The following FGF14 variants were observed in gnomAD, a reference collection of about 807,000 sequenced individuals.
FGF14 encodes the protein fibroblast growth factor 14, also known as fibroblast growth factor homologous factor 4.
A neutral mutation model predicts 25.5 loss-of-function variants in FGF14; 5 were observed. That is an observed-to-expected ratio of 0.20 (90% CI 0.10 to 0.41). The LOEUF (loss-of-function observed/expected upper bound fraction) is 0.41. Among genes scored for constraint, FGF14 ranks in the 10% least tolerant of loss-of-function variants. The pLI is 1.00. For missense variants in FGF14, 222 were observed against 320.1 expected (o/e 0.69, Z 2.34); for synonymous variants, 138 against 118.3 (o/e 1.17, Z -1.08).
chr13:102,344,534 T>G (rs1323960288), intron 1 of FGF14, among the ~76,000 whole-genome samples: 1 of 152,252 alleles, frequency 6.6e-6, no homozygotes, highest in Non-Finnish European at 1.5e-5. Context: ...TATTATCTGT[T>G]GGTTGATTGA....
intron 1 of FGF14, among the ~76,000 whole-genome samples, chr13:102,297,440 G>C (rs2054777496): frequency 2.0e-5 from 3 of 152,154 alleles, no homozygotes; most frequent in Admixed American, 2.0e-4. Flanking sequence ...TAGTAATAAT[G>C]TATCAATATT....
At chr13:102,326,934 G>T (rs115954385) in intron 1 of FGF14, among the ~76,000 whole-genome samples, 2 of 152,158 alleles carry the variant, frequency 1.3e-5, no homozygotes, top group African/African-American at 2.4e-5. Flanking sequence ...TATTCCCCAC[G>T]GAAACTGAAC....
chr13:102,192,598 A>ACTTTG (rs1449900408), intron 1 of FGF14, among the ~76,000 whole-genome samples: 1 of 152,118 alleles, frequency 6.6e-6, no homozygotes, highest in African/African-American at 2.4e-5. Context: ...CTCCTTCAAC[A>ACTTTG]ATTTGATTAG....
intron 3 of FGF14, among the ~76,000 whole-genome samples, chr13:101,797,997 G>A (rs573985537): frequency 6.6e-6 from 1 of 152,048 alleles, no homozygotes; most frequent in East Asian, 1.9e-4. Context: ...TGAAAGTTAC[G>A]AAAGTACTTG....
At chr13:101,788,605 C>G (rs567142811) in intron 3 of FGF14, among the ~76,000 whole-genome samples, 1 of 151,882 alleles carries the variant, frequency 6.6e-6, no homozygotes, top group African/African-American at 2.4e-5. Flanking sequence ...GCTTGCCTTC[C>G]TTGCTTACTT....
chr13:102,202,353 G>A (rs538502015), intron 1 of FGF14, among the ~76,000 whole-genome samples: 4 of 152,248 alleles, frequency 2.6e-5, no homozygotes, highest in African/African-American at 9.6e-5. Context: ...GAGAAGAAGT[G>A]GTATGGAAGT....
intron 3 of FGF14, among the ~76,000 whole-genome samples, chr13:101,812,653 ATTTT>A (rs869237724): frequency 4.3e-4 from 5 of 11,616 alleles, no homozygotes; most frequent in African/African-American, 1.1e-3. Flanking sequence ...ATATATATAT[ATTTT>A]TTTTTTTTTT....
Position 101,715,744 on chromosome 13 carries a change from A to G in FGF14, c.*7087T>C. 1.3e-6 allele frequency: 1 copy of G among 772,312 alleles called. No individual in the cohort carries two copies. Among genetic ancestry groups the G allele is most frequent in the Non-Finnish European group, 2.2e-6 (1 of 444,978 alleles). The allele number at this position is 772,312 out of a possible 1,614,324, so 47.8% of individuals were successfully genotyped here. ...GAAACCATGTATATTCACCACTAGGACAGGTTAAAAAGACCATTGTATGTT... is the reference window on the plus strand; with the variant it reads ...GAAACCATGTATATTCACCACTAGGGCAGGTTAAAAAGACCATTGTATGTT... On this transcript the variant is annotated 3_prime_UTR_variant, in exon 5 of 5. Coordinates refer to ENST00000376143, the MANE Select transcript of FGF14 (RefSeq NM_004115.4).
At chr13:102,321,457 T>C (rs905607235) in intron 1 of FGF14, among the ~76,000 whole-genome samples, 5 of 152,196 alleles carry the variant, frequency 3.3e-5, no homozygotes, top group African/African-American at 1.2e-4. Context: ...TGAAACATAA[T>C]GCTTCCCAGG....
rs199755704 is a variant in FGF14, at chr13:101,831,272, T to TTATC, written c.408+37452_408+37453insGATA. 7.5e-4 allele frequency among the ~76,000 whole-genome samples: 113 copies of TTATC among 150,220 alleles called. 1 individual carries two copies. Among genetic ancestry groups the TTATC allele is most frequent in the African/African-American group, 2.5e-3 (104 of 41,132 alleles). On this transcript the variant is annotated intron_variant, in intron 3 of 4. Coordinates refer to ENST00000376143, the MANE Select transcript of FGF14 (RefSeq NM_004115.4). ...TTTATTTATTTATTTATTTATTTAT[T>TTATC]TATTTATTTACGTTGGCCAGGCTGG...
chr13:102,001,630 T>C (rs2039500024), intron 1 of FGF14, among the ~76,000 whole-genome samples: 1 of 152,208 alleles, frequency 6.6e-6, no homozygotes, highest in African/African-American at 2.4e-5. Context: ...CTATTTACAT[T>C]ACATTATATG....
At chr13:102,309,303 A>G (rs2138659346) in intron 1 of FGF14, among the ~76,000 whole-genome samples, 1 of 152,306 alleles carries the variant, frequency 6.6e-6, no homozygotes, top group South Asian at 2.1e-4. Flanking sequence ...AAACGCTACC[A>G]CGTTCTCCTA....
chr13:101,809,893 C>T (rs1329756733), intron 3 of FGF14, among the ~76,000 whole-genome samples: 1 of 151,902 alleles, frequency 6.6e-6, no homozygotes, highest in Non-Finnish European at 1.5e-5. Flanking sequence ...AGGAAGAGAC[C>T]CCCCAAGGTC....
At chr13:101,939,142 A>T (rs2035285211) in intron 1 of FGF14, among the ~76,000 whole-genome samples, 1 of 152,206 alleles carries the variant, frequency 6.6e-6, no homozygotes, top group Admixed American at 6.5e-5. Flanking sequence ...CTAGTCAAAC[A>T]TTCAGTGTTT....
At position 101,881,128 on chromosome 13, in the gene FGF14, C is replaced by T. The variant is rs577608961; in HGVS notation, c.194-5832G>A. Among the ~76,000 whole-genome samples, 11 of 152,274 alleles carry T rather than the reference C, an allele frequency of 7.2e-5. No individual in the cohort carries two copies. The South Asian group carries it at 1.9e-3, about 26-fold the overall frequency. ...TGTAAGAATCCTGCTTAATACTTGA[C>T]CCTTATCTCCAAGGAACAGACTTAA... On this transcript the variant is annotated intron_variant, in intron 1 of 4. Transcript: ENST00000376143.
chr13:102,098,387 AT>A (rs1425125181), intron 1 of FGF14, among the ~76,000 whole-genome samples: 22 of 152,284 alleles, frequency 1.4e-4, no homozygotes, highest in Admixed American at 1.1e-3. Context: ...AGGATCTATC[AT>A]TTTTTTGTGA....
At chr13:102,156,808 CAA>C (rs1338786443) in intron 1 of FGF14, among the ~76,000 whole-genome samples, 6 of 152,124 alleles carry the variant, frequency 3.9e-5, no homozygotes, top group African/African-American at 1.2e-4. Flanking sequence ...GCAACTTCAG[CAA>C]AGTCTCAGGA....
chr13:102,271,784 A>G (rs530192814), intron 1 of FGF14, among the ~76,000 whole-genome samples: 64 of 152,262 alleles, frequency 4.2e-4, no homozygotes, highest in East Asian at 3.9e-4. Context: ...GCATGGCACA[A>G]AAATAATTCC....
At chr13:101,907,426 C>T (rs1473262927) in intron 1 of FGF14, among the ~76,000 whole-genome samples, 3 of 152,128 alleles carry the variant, frequency 2.0e-5, no homozygotes, top group Non-Finnish European at 4.4e-5. Context: ...TCGATGCTAA[C>T]TTTACCACTT....
Sources: gnomAD v4.1 joint callset for allele counts (sites outside exome capture counted in the v4.1 genomes callset) on GRCh38, gnomAD v4.1.1 for gene constraint, MANE v1.5 for transcripts, NCBI Gene and HGNC (gene_info 2026-07-23, HGNC 2026-07-21) for gene names.